GAK: variants seen among roughly 807,000 people sequenced by gnomAD.
The protein encoded by GAK is cyclin G associated kinase, also known as cyclin-G-associated kinase.
A neutral mutation model predicts 143.9 loss-of-function variants in GAK; 79 were observed. The ratio of observed to expected loss-of-function variants is 0.55; its 90% CI spans 0.46 to 0.66. GAK has a LOEUF of 0.66. GAK is among the 30% of genes least tolerant of loss of function. The pLI is 0.00. For missense variants in GAK, 1,693 were observed against 1,779.7 expected (o/e 0.95, Z 0.88); for synonymous variants, 881 against 765.5 (o/e 1.15, Z -2.49).
Position 870,696 on chromosome 4 carries a change from C to T in GAK, c.2248+15G>A, listed in dbSNP as rs1712375837. 6.2e-7 allele frequency: 1 copy of T among 1,612,552 alleles called. No homozygotes were observed. The highest frequency in any genetic ancestry group is 2.2e-5 in the East Asian group (1 of 44,880). ...ACCAGAACAGGGTTCACCTAATTCA[C>T]CTGCGGGATCTTACCAAACTTAGAC... On this transcript the variant is annotated intron_variant, in intron 19 of 27. Transcript: ENST00000314167.
rs1373660121 is a variant in GAK at position 851,958 on chromosome 4, G to T, written c.3300C>A (p.Phe1100Leu). Residue 1100 changes from phenylalanine to leucine, a missense_variant, in exon 25 of 28, where the codon TTC (phenylalanine) becomes TTA (leucine). Physicochemically the swap from Phe to Leu is conservative, Grantham distance 22 (BLOSUM62 0). This residue lies in a region of GAK where 822 missense variants were observed against 788.7 expected (regional missense o/e 1.04). Coordinates refer to ENST00000314167, the MANE Select transcript of GAK (RefSeq NM_005255.4). ...SSGLQGSPAG[F>L]PPGGFIPKTA... ...TTTTGGGAATGAAGCCCCCAGGAGG[G>T]AATCCAGCTGGTGAGCCTGTGGAGA... is the stretch of plus-strand genomic sequence containing the variant. 6.2e-7 allele frequency: 1 copy of T among 1,613,640 alleles called. No homozygotes were observed. The highest frequency in any genetic ancestry group is 1.3e-5 in the African/African-American group (1 of 75,048).
intron 5 of GAK, among the ~76,000 whole-genome samples, chr4:902,605 A>AAAAAAAAAAACC (rs1180561371): frequency 1.1e-4 from 14 of 130,310 alleles, no homozygotes; most frequent in Non-Finnish European, 2.0e-4. Flanking sequence ...TCAAAAAAAA[A>AAAAAAAAAAACC]AAAAAAAAAC....
chr4:888,950 C>T lies in GAK; in HGVS notation c.1102G>A (p.Asp368Asn), dbSNP rs776746324. The T allele has an allele frequency of 3.7e-6, 6 of 1,611,326 alleles. No homozygotes were observed. Among genetic ancestry groups the T allele is most frequent in the South Asian group, 1.1e-5 (1 of 90,904 alleles). ...YSGGLALAEY[D>N]QPYGGFLDIL... ...TCCAGGAAGCCGCCATACGGCTGGT[C>T]GTACTCCGCCAGCGCCAGGCCTGCA... Residue 368 changes from aspartate (D) to asparagine (N), a missense_variant, in exon 11 of 28, where the codon GAC (aspartate) becomes AAC (asparagine). Transcript: ENST00000314167.
intron 24 of GAK, among the ~76,000 whole-genome samples, chr4:856,851 C>T (rs573812936): frequency 1.3e-4 from 20 of 152,232 alleles, no homozygotes; most frequent in South Asian, 2.1e-4. Context: ...ACTGGGGTTA[C>T]GGTGTGAGCC....
intron 25 of GAK, 127 bp downstream of exon 25, chr4:851,623 C>G (rs1748155708): frequency 7.2e-6 from 7 of 972,438 alleles, no homozygotes; most frequent in Non-Finnish European, 1.1e-5. Context: ...GCGTCGTTCT[C>G]TGAGTGGCTT....
chr4:868,705 T>A lies in GAK; in HGVS notation c.2249-20A>T. On this transcript the variant is annotated intron_variant, in intron 19 of 27. Coordinates refer to ENST00000314167, the MANE Select transcript of GAK (RefSeq NM_005255.4). ...GCTTCCCTGCAGGAGAGGGAGGGCG[T>A]CAGGGCACTGGCACTGGCCAGCAGC... 1.3e-6 allele frequency: 2 copies of A among 1,545,258 alleles called. No homozygotes were observed. Among genetic ancestry groups the A allele is most frequent in the Admixed American group, 2.0e-5 (1 of 50,956 alleles).
Position 912,751 on chromosome 4 carries a change from T to A in GAK, c.251A>T (p.Gln84Leu). ...NEEEKNRAII[Q>L]EVCFMKKLSG... Reference sequence around the variant, plus strand: ...AAAGGATACCATGAAGCAAACTTCTTGAATGATGGCTCTGTTCTTTTCCTC... The same window carrying A: ...AAAGGATACCATGAAGCAAACTTCTAGAATGATGGCTCTGTTCTTTTCCTC... Residue 84 changes from glutamine to leucine, a missense_variant, in exon 3 of 28, where the codon CAA becomes CTA. Physicochemically the swap from Gln to Leu is moderately radical, Grantham distance 113. Transcript: ENST00000314167. The A allele has an allele frequency of 6.2e-7, 1 of 1,613,928 alleles. No individual in the cohort carries two copies. The highest frequency in any genetic ancestry group is 8.5e-7 in the Non-Finnish European group (1 of 1,179,830).
At chr4:867,986 T>C (rs1751517363) in intron 20 of GAK, among the ~76,000 whole-genome samples, 1 of 152,140 alleles carries the variant, frequency 6.6e-6, no homozygotes, top group African/African-American at 2.4e-5. Flanking sequence ...GGAACACCAA[T>C]CAAGGGTGCT....
intron 5 of GAK, among the ~76,000 whole-genome samples, chr4:899,329 T>C (rs183046879): frequency 6.6e-6 from 1 of 152,182 alleles, no homozygotes; most frequent in East Asian, 1.9e-4. Flanking sequence ...GGCATCCCTC[T>C]GGAGAGGAAG....
At chr4:931,970 G>C in intron 1 of GAK, 73 bp downstream of exon 1, 5 of 1,134,238 alleles carry the variant, frequency 4.4e-6, no homozygotes, top group Non-Finnish European at 6.4e-6. Flanking sequence ...TTCCACTCCG[G>C]GCTGACGCTG....
In GAK at chr4:912,723, G is replaced by T; in HGVS notation, c.267+12C>A. ...GCCACCGTGCTGGCTCCTGGTTCCA[G>T]GAAAAGGATACCATGAAGCAAACTT... On this transcript the variant is annotated intron_variant, in intron 3 of 27. Coordinates refer to ENST00000314167, the MANE Select transcript of GAK (RefSeq NM_005255.4). 1 of 1,612,444 alleles carries T rather than the reference G, an allele frequency of 6.2e-7. No homozygotes were observed. Among genetic ancestry groups the T allele is most frequent in the Non-Finnish European group, 8.5e-7 (1 of 1,178,786 alleles).
At position 926,118 on chromosome 4, in the gene GAK, G is replaced by C. The variant is rs914247588; in HGVS notation, c.145+5925C>G. Reference sequence around the variant, plus strand: ...TAATTCACCCCAGGGGGTCCTCCCTGGACAGTGACCTCCCCGAACGTCTAA... The same window carrying C: ...TAATTCACCCCAGGGGGTCCTCCCTCGACAGTGACCTCCCCGAACGTCTAA... On this transcript the variant is annotated intron_variant, in intron 1 of 27. Transcript: ENST00000314167. Among the ~76,000 whole-genome samples, 11 of 148,734 alleles carry C rather than the reference G, an allele frequency of 7.4e-5. No homozygotes were observed. The East Asian group carries it at 9.8e-4, about 13-fold the overall frequency.
chr4:856,520 CCTGCTCACCACCACAG>C (rs1254922139), intron 24 of GAK, among the ~76,000 whole-genome samples: 2 of 145,998 alleles, frequency 1.4e-5, no homozygotes, highest in African/African-American at 5.0e-5. Context: ...GCTGCTCACA[CCTGCTCACCACCACAG>C]CTGCTCACAC....
intron 17 of GAK, 127 bp from the exon 18 acceptor site, chr4:876,736 C>A: frequency 1.3e-6 from 1 of 774,164 alleles, no homozygotes; most frequent in East Asian, 2.6e-5. Flanking sequence ...GACGGCGCCC[C>A]CGTGCCACAT....
At chr4:905,983 A>G (rs1721010988) in intron 4 of GAK, among the ~76,000 whole-genome samples, 1 of 152,256 alleles carries the variant, frequency 6.6e-6, no homozygotes, top group South Asian at 2.1e-4. Context: ...GCCAGGGGGC[A>G]AGACGCCCAA....
intron 1 of GAK, among the ~76,000 whole-genome samples, chr4:922,079 G>A (rs1724002318): frequency 6.6e-6 from 1 of 152,184 alleles, no homozygotes; most frequent in Non-Finnish European, 1.5e-5. Context: ...TGCATCTGCG[G>A]AAGCCCCAGA....
chr4:870,308 A>G (rs1406947782), intron 19 of GAK, among the ~76,000 whole-genome samples: 1 of 152,226 alleles, frequency 6.6e-6, no homozygotes, highest in East Asian at 1.9e-4. Flanking sequence ...TCGGAAGTGA[A>G]GAGCGACAGG....
At position 888,935 on chromosome 4, in the gene GAK, C is replaced by T. The variant is rs747796588; in HGVS notation, c.1117G>A (p.Gly373Ser). The T allele has an allele frequency of 9.9e-6, 16 of 1,612,412 alleles. No homozygotes were observed. The highest frequency in any genetic ancestry group is 4.4e-5 in the South Asian group (4 of 90,970). The change falls in exon 11 of 28, where the codon GGC becomes AGC. Residue 373 changes from glycine to serine, a missense_variant. Gly to Ser is a moderately conservative substitution (Grantham distance 56). Transcript: ENST00000314167. Reference sequence around the variant, plus strand: ...CCACCCCGCAGAATGTCCAGGAAGCCGCCATACGGCTGGTCGTACTCCGCC... The same window carrying T: ...CCACCCCGCAGAATGTCCAGGAAGCTGCCATACGGCTGGTCGTACTCCGCC... ...ALAEYDQPYG[G>S]FLDILRGGTE...
chr4:921,670 C>T (rs937970999), intron 1 of GAK, among the ~76,000 whole-genome samples: 2 of 151,382 alleles, frequency 1.3e-5, no homozygotes, highest in African/African-American at 4.8e-5. Context: ...GGATCTGCAA[C>T]AGACCCCGCT....
Sources: gnomAD v4.1 joint callset for allele counts (sites outside exome capture counted in the v4.1 genomes callset) on GRCh38, gnomAD v4.1.1 for gene constraint, gnomAD v4.1.1 regional missense constraint, MANE v1.5 for transcripts, NCBI Gene and HGNC (gene_info 2026-07-23, HGNC 2026-07-21) for gene names.